ATP5F1E: variants seen among roughly 807,000 people sequenced by gnomAD.
ATP5F1E encodes ATP synthase F(1) complex subunit epsilon, mitochondrial.
A neutral mutation model predicts 7.0 loss-of-function variants in ATP5F1E; 5 were observed. The observed-to-expected ratio is 0.71, with a 90% CI of 0.37 to 1.49. The LOEUF (loss-of-function observed/expected upper bound fraction) is 1.49, where lower values mean the gene tolerates loss of function less well. Ranked by LOEUF, ATP5F1E falls within the 40% of genes most tolerant of loss-of-function variation. The pLI, the probability that ATP5F1E is intolerant of heterozygous loss-of-function variation, is 0.03. For synonymous variants in ATP5F1E, 20 were observed against 20.1 expected (o/e 0.99, Z 0.02); for missense variants, 59 against 57.1 (o/e 1.03, Z -0.11).
intron 1 of ATP5F1E, 59 bp downstream of exon 1, chr20:59,032,158 TGGG>T (rs2092036251): frequency 2.0e-5 from 31 of 1,558,476 alleles, no homozygotes; most frequent in Non-Finnish European, 2.6e-5. Context: ...GCATGACCTC[TGGG>T]CACCGGGATG....
chr20:59,030,304 G>C lies in ATP5F1E; in HGVS notation c.*2C>G. ...CTTCTAAATAAATCCATAACTTACA[G>C]ATTATTCCTTCTTTACTTTCACAAT... is the stretch of plus-strand genomic sequence containing the variant. On this transcript the variant is annotated splice_region_variant and 3_prime_UTR_variant, in exon 2 of 3. Coordinates refer to ENST00000243997, the MANE Select transcript of ATP5F1E (RefSeq NM_006886.4). The C allele has an allele frequency of 6.2e-7, 1 of 1,613,408 alleles. No individual in the cohort carries two copies.
Position 59,032,304 on chromosome 20 carries a change from TCGGCTCAGCCGGG to T in ATP5F1E, c.-66_-54del. On this transcript the variant is annotated 5_prime_UTR_variant, in exon 1 of 3. Coordinates refer to ENST00000243997, the MANE Select transcript of ATP5F1E (RefSeq NM_006886.4). ...CCGAATCGCCAAGACGCCGGCAATG[TCGGCTCAGCCGGG>T]CGGTTCAGCCGCAGGAAGATCAGAC... 6.3e-7 allele frequency: 1 copy of T among 1,579,440 alleles called. No homozygotes were observed. Among genetic ancestry groups the T allele is most frequent in the Non-Finnish European group, 8.6e-7 (1 of 1,162,460 alleles).
Position 59,032,328 on chromosome 20 carries a change from G to A in ATP5F1E, c.-77C>T, listed in dbSNP as rs1046545229. ...GTCGGCTCAGCCGGGCGGTTCAGCC[G>A]CAGGAAGATCAGACCACAGAAGCGG... On this transcript the variant is annotated 5_prime_UTR_variant, in exon 1 of 3. Transcript: ENST00000243997. 8.4e-6 allele frequency: 13 copies of A among 1,547,774 alleles called. No individual in the cohort carries two copies. The East Asian group carries it at 1.4e-4, about 17-fold the overall frequency.
At position 59,025,867 on chromosome 20, in the gene ATP5F1E, C is replaced by A. The variant is rs1189661468; in HGVS notation, c.*2978G>T. 6.6e-6 allele frequency: 1 copy of A among 152,224 alleles called. No homozygotes were observed. Among genetic ancestry groups the A allele is most frequent in the Non-Finnish European group, 1.5e-5 (1 of 68,040 alleles). The allele number at this position is 152,224 out of a possible 1,614,324, so 9.4% of individuals were successfully genotyped here. A position where few individuals can be genotyped will look rare whatever the true frequency, so the allele number is the denominator to read the frequency against. On this transcript the variant is annotated 3_prime_UTR_variant, in exon 3 of 3. Transcript: ENST00000243997. ...AAGCACTACATGATTTTAATCTGCT[C>A]ACATTATAACAGGACCAAATACACA...
rs1409243183 is a variant in ATP5F1E at position 59,026,560 on chromosome 20, G to C, written c.*2285C>G. ...CTTATATTACTGTAAAGATTTGTTT[G>C]CTCAATAGTAATCATTAAACTACAA... On this transcript the variant is annotated 3_prime_UTR_variant, in exon 3 of 3. Coordinates refer to ENST00000243997, the MANE Select transcript of ATP5F1E (RefSeq NM_006886.4). 1 of 152,172 alleles carries C rather than the reference G, an allele frequency of 6.6e-6. No individual in the cohort carries two copies. Among genetic ancestry groups the C allele is most frequent in the African/African-American group, 2.4e-5 (1 of 41,438 alleles). The allele number at this position is 152,172 out of a possible 1,614,324, so 9.4% of individuals were successfully genotyped here.
At chr20:59,031,756 A>T (rs538235197) in intron 1 of ATP5F1E, among the ~76,000 whole-genome samples, 1 of 152,342 alleles carries the variant, frequency 6.6e-6, no homozygotes, top group South Asian at 2.1e-4. Flanking sequence ...TAAAAAAAAA[A>T]TGTGTAAAGT....
In ATP5F1E at chr20:59,025,989, G is replaced by A. The variant is rs1181664278; in HGVS notation, c.*2856C>T. 6.6e-6 allele frequency: 1 copy of A among 152,120 alleles called. No homozygotes were observed. Among genetic ancestry groups the A allele is most frequent in the Non-Finnish European group, 1.5e-5 (1 of 68,022 alleles). 9.4% of individuals were successfully genotyped at this position (152,120 alleles called of 1,614,324 possible). ...CTTCCAGCACCATCAGGGTTTTAAT[G>A]GCCCTCTAGAATTACCACTGAGATA... On this transcript the variant is annotated 3_prime_UTR_variant, in exon 3 of 3. Coordinates refer to ENST00000243997, the MANE Select transcript of ATP5F1E (RefSeq NM_006886.4).
rs1242445003 is a variant in ATP5F1E, at chr20:59,028,413, A to C, written c.*432T>G. 6.6e-6 allele frequency: 1 copy of C among 152,226 alleles called. No individual in the cohort carries two copies. The allele number at this position is 152,226 out of a possible 1,614,324, so 9.4% of individuals were successfully genotyped here. A position where few individuals can be genotyped will look rare whatever the true frequency, so the allele number is the denominator to read the frequency against. ...TAATAATTATTTCCATTTGTTACTG[A>C]TAACCATGTCATTATTCTGACATGA... On this transcript the variant is annotated 3_prime_UTR_variant, in exon 3 of 3. Transcript: ENST00000243997.
chr20:59,031,832 A>C (rs2092033432), intron 1 of ATP5F1E, among the ~76,000 whole-genome samples: 1 of 152,244 alleles, frequency 6.6e-6, no homozygotes, highest in African/African-American at 2.4e-5. Context: ...ACGTGGAGAG[A>C]AATCTCCTGT....
intron 1 of ATP5F1E, among the ~76,000 whole-genome samples, chr20:59,031,285 C>T (rs1412154618): frequency 2.0e-5 from 3 of 152,100 alleles, no homozygotes; most frequent in Non-Finnish European, 4.4e-5. Context: ...AATAAAAGGA[C>T]AATAATACCT....
rs1311841725 is a variant in ATP5F1E, at chr20:59,028,405, T to G, written c.*440A>C. ...TTAGTATTTAATAATTATTTCCATT[T>G]GTTACTGATAACCATGTCATTATTC... On this transcript the variant is annotated 3_prime_UTR_variant, in exon 3 of 3. Coordinates refer to ENST00000243997, the MANE Select transcript of ATP5F1E (RefSeq NM_006886.4). 1 of 152,270 alleles carries G rather than the reference T, an allele frequency of 6.6e-6. No individual in the cohort carries two copies. The highest frequency in any genetic ancestry group is 2.4e-5 in the African/African-American group (1 of 41,470). The allele number at this position is 152,270 out of a possible 1,614,324, so 9.4% of individuals were successfully genotyped here.
chr20:59,031,763 A>G (rs1299989155), intron 1 of ATP5F1E, among the ~76,000 whole-genome samples: 1 of 152,224 alleles, frequency 6.6e-6, no homozygotes, highest in African/African-American at 2.4e-5. Context: ...AAAATGTGTA[A>G]AGTTGTAAAA....
chr20:59,026,704 T>C lies in ATP5F1E; in HGVS notation c.*2141A>G, dbSNP rs1490882102. ...TATTTAGAAATGCATCTCACCATCCTACTCTTTCGTATGGTAGAAATAGAT... is the reference window on the plus strand; with the variant it reads ...TATTTAGAAATGCATCTCACCATCCCACTCTTTCGTATGGTAGAAATAGAT... On this transcript the variant is annotated 3_prime_UTR_variant, in exon 3 of 3. Transcript: ENST00000243997. 1 of 152,226 alleles carries C rather than the reference T, an allele frequency of 6.6e-6. No individual in the cohort carries two copies. Among genetic ancestry groups the C allele is most frequent in the African/African-American group, 2.4e-5 (1 of 41,454 alleles). 9.4% of individuals were successfully genotyped at this position (152,226 alleles called of 1,614,324 possible). A position where few individuals can be genotyped will look rare whatever the true frequency, so the allele number is the denominator to read the frequency against.
At chr20:59,029,086 A>G (rs2092009673) in intron 2 of ATP5F1E, 1 of 152,224 alleles carries the variant, frequency 6.6e-6, no homozygotes, top group Non-Finnish European at 1.5e-5. Flanking sequence ...TTTAAAAGAC[A>G]CTAACATCTC....
intron 1 of ATP5F1E, 48 bp from the exon 2 acceptor site, chr20:59,030,477 C>A: frequency 1.2e-6 from 2 of 1,607,938 alleles, no homozygotes; most frequent in Non-Finnish European, 1.7e-6. Context: ...AATATTCCAG[C>A]CAGACAGCTG....
intron 1 of ATP5F1E, among the ~76,000 whole-genome samples, chr20:59,030,680 T>A (rs546393207): frequency 1.3e-5 from 2 of 152,380 alleles, no homozygotes; most frequent in Admixed American, 1.3e-4. Flanking sequence ...GTACTGTGTT[T>A]TCTCTTTAGT....
chr20:59,030,101 G>A, intron 2 of ATP5F1E: 2 of 485,898 alleles, frequency 4.1e-6, no homozygotes, highest in Non-Finnish European at 7.2e-6. Context: ...ACTTCTGCTT[G>A]TCAGGGCCCA....
rs368592615 is a variant in ATP5F1E, at chr20:59,026,789, T to G, written c.*2056A>C. 6.6e-6 allele frequency: 1 copy of G among 152,246 alleles called. No homozygotes were observed. The highest frequency in any genetic ancestry group is 6.5e-5 in the Admixed American group (1 of 15,284). The allele number at this position is 152,246 out of a possible 1,614,324, so 9.4% of individuals were successfully genotyped here. On this transcript the variant is annotated 3_prime_UTR_variant, in exon 3 of 3. Transcript: ENST00000243997. ...TCTGTCCCTTTTGATTTTGAAGAGC[T>G]TATCCTTTAGCAGTACGGTTGCTCC...
chr20:59,027,854 C>A lies in ATP5F1E; in HGVS notation c.*991G>T, dbSNP rs546122966. The A allele has an allele frequency of 6.6e-6, 1 of 152,208 alleles. No homozygotes were observed. 9.4% of individuals were successfully genotyped at this position (152,208 alleles called of 1,614,324 possible). On this transcript the variant is annotated 3_prime_UTR_variant, in exon 3 of 3. Coordinates refer to ENST00000243997, the MANE Select transcript of ATP5F1E (RefSeq NM_006886.4). ...AAAGATGTTCTTTTCGGCTTATCCT[C>A]GGCATTGCTGACAGTGGCCCTGATA...
Sources: allele counts gnomAD v4.1 joint callset (sites outside exome capture counted in the v4.1 genomes callset), GRCh38; gene constraint gnomAD v4.1.1; transcripts MANE v1.5; gene names NCBI Gene and HGNC (gene_info 2026-07-23, HGNC 2026-07-21).